The following EYS variants were observed in gnomAD, a reference collection of about 807,000 sequenced individuals.
EYS encodes the protein EGF-like photoreceptor maintenance factor.
In EYS, 250 loss-of-function variants were observed where a neutral mutation model predicts 282.1. That is an observed-to-expected ratio of 0.89 (90% CI 0.80 to 0.98). The LOEUF is 0.98. EYS is among the 50% of genes least tolerant of loss of function. EYS has a pLI of 0.00. For synonymous variants in EYS, 1,355 were observed against 1,282.9 expected (o/e 1.06, Z -1.20); for missense variants, 4,016 against 3,709.0 (o/e 1.08, Z -2.15).
intron 22 of EYS, among the ~76,000 whole-genome samples, chr6:64,753,217 A>C (rs2088172): frequency 0.038 from 5,795 of 152,190 alleles, 256 homozygotes; most frequent in East Asian, 0.14. Context: ...AGGTAAAAAC[A>C]CTATGACAGG....
chr6:64,101,788 A>G (rs1484393965), intron 31 of EYS, among the ~76,000 whole-genome samples: 2 of 152,166 alleles, frequency 1.3e-5, no homozygotes, highest in African/African-American at 2.4e-5. Context: ...ATTGTGATGT[A>G]TAATGAAATA....
intron 30 of EYS, among the ~76,000 whole-genome samples, chr6:64,237,649 A>G (rs1766657613): frequency 6.6e-6 from 1 of 152,190 alleles, no homozygotes; most frequent in African/African-American, 2.4e-5. Flanking sequence ...ACATCATAAC[A>G]TCTAATAAAG....
At chr6:64,105,413 A>G (rs1292843846) in intron 31 of EYS, among the ~76,000 whole-genome samples, 2 of 152,114 alleles carry the variant, frequency 1.3e-5, no homozygotes, top group Non-Finnish European at 2.9e-5. Context: ...GACATCTCAC[A>G]TGGATTGTTA....
At chr6:64,015,592 A>G (rs2149814774) in intron 33 of EYS, among the ~76,000 whole-genome samples, 1 of 152,366 alleles carries the variant, frequency 6.6e-6, no homozygotes, top group Non-Finnish European at 1.5e-5. Context: ...AAATGAAAAT[A>G]GATCTATTGA....
chr6:65,422,825 T>C (rs1243542125), intron 5 of EYS, among the ~76,000 whole-genome samples: 1 of 147,490 alleles, frequency 6.8e-6, no homozygotes, highest in Non-Finnish European at 1.5e-5. Flanking sequence ...TATATATACA[T>C]ATATACACAC....
chr6:64,154,465 T>A (rs921853637), intron 31 of EYS, among the ~76,000 whole-genome samples: 15 of 128,444 alleles, frequency 1.2e-4, no homozygotes, highest in East Asian at 9.0e-4. Context: ...AAAAAAAAAA[T>A]GCCTCACAGG....
intron 12 of EYS, among the ~76,000 whole-genome samples, chr6:65,086,407 A>G (rs1332892225): frequency 1.3e-5 from 2 of 152,044 alleles, no homozygotes; most frequent in African/African-American, 4.8e-5. Context: ...CTACTGCTGC[A>G]TATGTTTGGT....
chr6:64,538,159 T>G (rs1188488009), intron 26 of EYS, among the ~76,000 whole-genome samples: 1 of 152,152 alleles, frequency 6.6e-6, no homozygotes, highest in Non-Finnish European at 1.5e-5. Context: ...TTTTGGCTGG[T>G]GCTCATGGTA....
At position 64,871,288 on chromosome 6, in the gene EYS, A is replaced by G. The variant is rs1457720489; in HGVS notation, c.2992+15409T>C. 7.3e-5 allele frequency among the ~76,000 whole-genome samples: 11 copies of G among 151,196 alleles called. No individual in the cohort carries two copies. The East Asian group carries it at 2.2e-3, about 30-fold the overall frequency. ...ATTTTAAGGAACAGGCCATCATTAA[A>G]CTTTTTTTCTGCTAGGTTTTCTCAC... is the stretch of plus-strand genomic sequence containing the variant. On this transcript the variant is annotated intron_variant, in intron 19 of 42. Coordinates refer to ENST00000503581, the MANE Select transcript of EYS (RefSeq NM_001142800.2).
intron 35 of EYS, among the ~76,000 whole-genome samples, chr6:63,929,502 C>A (rs1764822849): frequency 6.6e-6 from 1 of 152,108 alleles, no homozygotes; most frequent in African/African-American, 2.4e-5. Context: ...TTTTCTTCTC[C>A]ACATTACTAA....
intron 14 of EYS, among the ~76,000 whole-genome samples, chr6:64,952,154 C>A (rs377146028): frequency 2.0e-5 from 3 of 151,864 alleles, no homozygotes; most frequent in Non-Finnish European, 4.4e-5. Flanking sequence ...GAGCCAACAT[C>A]ATAATGGAGT....
chr6:65,360,238 C>A (rs887569191), intron 8 of EYS, among the ~76,000 whole-genome samples: 1 of 151,618 alleles, frequency 6.6e-6, no homozygotes, highest in Non-Finnish European at 1.5e-5. Context: ...TTATTCTATC[C>A]AATTTAAAGA....
chr6:65,227,685 T>G (rs545383094), intron 12 of EYS, among the ~76,000 whole-genome samples: 16 of 152,090 alleles, frequency 1.1e-4, no homozygotes, highest in Admixed American at 8.5e-4. Flanking sequence ...ATCCATACAT[T>G]GATGAATGAA....
intron 14 of EYS, among the ~76,000 whole-genome samples, chr6:64,972,270 T>C (rs1438103092): frequency 6.6e-6 from 1 of 152,156 alleles, no homozygotes; most frequent in Non-Finnish European, 1.5e-5. Context: ...TTTTAGGACA[T>C]AGACTCTTCT....
rs928998068 is a variant in EYS at position 65,272,504 on chromosome 6, A to G, written c.2023+23359T>C. On this transcript the variant is annotated intron_variant, in intron 12 of 42. Transcript: ENST00000503581. The stretch of plus-strand genomic sequence containing the variant: ...CCAGGAGCCCAGCCATTCTGCATCA[A>G]TCAGAATCTAAATCTAATCATGTTC... Among the ~76,000 whole-genome samples, 3 of 152,238 alleles carry G rather than the reference A, an allele frequency of 2.0e-5. No individual in the cohort carries two copies. The East Asian group carries it at 5.8e-4, about 29-fold the overall frequency.
At position 64,388,761 on chromosome 6, in the gene EYS, G is replaced by T; in HGVS notation, c.6007C>A (p.Leu2003Ile). 6 of 1,545,176 alleles carry T rather than the reference G, an allele frequency of 3.9e-6. No homozygotes were observed. Among genetic ancestry groups the T allele is most frequent in the Non-Finnish European group, 5.2e-6 (6 of 1,143,768 alleles). The change falls in exon 29 of 43, where the codon CTC becomes ATC. Residue 2003 changes from leucine (L) to isoleucine (I), a missense_variant. Leu to Ile is a conservative substitution (Grantham distance 5). Coordinates refer to ENST00000503581, the MANE Select transcript of EYS (RefSeq NM_001142800.2). Reference protein sequence around the residue: ...TQICESINHVLGKPLPKSGSV... With the variant: ...TQICESINHVIGKPLPKSGSV... ...CCTGATTTTGGCAGGGGTTTTCCGA[G>T]TACATGATTGATAGATTCGCATATT...
chr6:65,592,609 T>C (rs1765268925), intron 2 of EYS, among the ~76,000 whole-genome samples: 1 of 151,968 alleles, frequency 6.6e-6, no homozygotes, highest in African/African-American at 2.4e-5. Flanking sequence ...ACTATTCTCA[T>C]TTAGACATGA....
intron 12 of EYS, among the ~76,000 whole-genome samples, chr6:65,220,394 G>C (rs1429591794): frequency 6.6e-6 from 1 of 151,998 alleles, no homozygotes; most frequent in African/African-American, 2.4e-5. Flanking sequence ...AAACATGAGG[G>C]CATGTTTTTC....
At chr6:65,600,857 T>C (rs1310103694) in intron 2 of EYS, among the ~76,000 whole-genome samples, 1 of 152,008 alleles carries the variant, frequency 6.6e-6, no homozygotes, top group Non-Finnish European at 1.5e-5. Context: ...TCATGGGCTA[T>C]TCTATGGAAT....
Sources: gnomAD v4.1 joint callset for allele counts (sites outside exome capture counted in the v4.1 genomes callset) on GRCh38, gnomAD v4.1.1 for gene constraint, MANE v1.5 for transcripts, NCBI Gene and HGNC (gene_info 2026-07-23, HGNC 2026-07-21) for gene names.